SGMS1: variants seen among roughly 807,000 people sequenced by gnomAD.
SGMS1 encodes the protein sphingomyelin synthase 1.
SGMS1 carries 13 observed loss-of-function variants against 46.2 expected under a neutral mutation model. The ratio of observed to expected loss-of-function variants is 0.28; its 90% CI spans 0.18 to 0.45. SGMS1 has a LOEUF of 0.45. SGMS1 is among the 20% of genes least tolerant of loss of function. SGMS1 has a pLI of 1.00. For synonymous variants in SGMS1, 203 were observed against 187.8 expected (o/e 1.08, Z -0.66); for missense variants, 324 against 519.9 (o/e 0.62, Z 3.66).
intron 5 of SGMS1, among the ~76,000 whole-genome samples, chr10:50,458,339 CTTTTTTTTT>C (rs750349777): frequency 3.9e-3 from 381 of 97,126 alleles, no homozygotes; most frequent in African/African-American, 0.013. Flanking sequence ...TTCTTTTTCT[CTTTTTTTTT>C]TTTTTTTTTT....
At chr10:50,491,271 C>G (rs150236426) in intron 3 of SGMS1, among the ~76,000 whole-genome samples, 1 of 152,142 alleles carries the variant, frequency 6.6e-6, no homozygotes, top group Non-Finnish European at 1.5e-5. Flanking sequence ...GGAGGATCCT[C>G]GAGCCCCACA....
rs185153123 is a variant in SGMS1, at chr10:50,617,283, T to A, written c.-684+6424A>T. Among the ~76,000 whole-genome samples the A allele has an allele frequency of 2.3e-3, 350 of 152,318 alleles. 1 individual carries two copies. Among genetic ancestry groups the A allele is most frequent in the Non-Finnish European group, 3.8e-3 (256 of 68,022 alleles). ...TTTTATCATAATTTAAAAAGATTTTTAAAAATCAGTATGTTGAATGAAAGG... is the reference window on the plus strand; with the variant it reads ...TTTTATCATAATTTAAAAAGATTTTAAAAAATCAGTATGTTGAATGAAAGG... On this transcript the variant is annotated intron_variant, in intron 1 of 10. Transcript: ENST00000361781.
chr10:50,459,119 T>C (rs74132722), intron 5 of SGMS1, among the ~76,000 whole-genome samples: 3,300 of 152,226 alleles, frequency 0.022, 132 homozygotes, highest in African/African-American at 0.076. Flanking sequence ...AGGACCATAT[T>C]AGAAATATAA....
chr10:50,348,345 G>T (rs1041974516), intron 6 of SGMS1, among the ~76,000 whole-genome samples: 1 of 152,144 alleles, frequency 6.6e-6, no homozygotes, highest in African/African-American at 2.4e-5. Flanking sequence ...GAAATAAAGC[G>T]CATTCAAATA....
intron 6 of SGMS1, among the ~76,000 whole-genome samples, chr10:50,368,229 AC>A (rs1333681176): frequency 2.6e-5 from 4 of 152,246 alleles, no homozygotes; most frequent in African/African-American, 9.6e-5. Context: ...GTCATACAAG[AC>A]CATATCTAGG....
At chr10:50,393,496 T>C (rs1046176014) in intron 6 of SGMS1, among the ~76,000 whole-genome samples, 3 of 152,114 alleles carry the variant, frequency 2.0e-5, no homozygotes, top group African/African-American at 7.2e-5. Context: ...TCTCAACCTC[T>C]CCTTATTTCC....
At chr10:50,312,332 G>C (rs1219777557) in intron 8 of SGMS1, among the ~76,000 whole-genome samples, 1 of 91,110 alleles carries the variant, frequency 1.1e-5, no homozygotes. Context: ...TGAAGTGTGA[G>C]AAATTAAAAA....
intron 3 of SGMS1, among the ~76,000 whole-genome samples, chr10:50,493,169 T>C (rs1342518600): frequency 6.6e-6 from 1 of 152,178 alleles, no homozygotes; most frequent in Non-Finnish European, 1.5e-5. Context: ...ACTGCATACC[T>C]ACAGCTATCT....
intron 2 of SGMS1, among the ~76,000 whole-genome samples, chr10:50,523,019 C>G (rs987653992): frequency 6.6e-6 from 1 of 152,144 alleles, no homozygotes; most frequent in Non-Finnish European, 1.5e-5. Flanking sequence ...GGGTTCACCT[C>G]CCTATATCAC....
chr10:50,325,240 T>C (rs752379422), intron 8 of SGMS1, among the ~76,000 whole-genome samples: 38 of 152,234 alleles, frequency 2.5e-4, no homozygotes, highest in Non-Finnish European at 5.1e-4. Flanking sequence ...GGGAGTTCCT[T>C]ATAGCAGTTG....
intron 3 of SGMS1, among the ~76,000 whole-genome samples, chr10:50,478,283 C>A (rs1837446227): frequency 6.6e-6 from 1 of 152,170 alleles, no homozygotes; most frequent in Non-Finnish European, 1.5e-5. Context: ...AAAGGGATCC[C>A]ATCTACTAAG....
intron 9 of SGMS1, among the ~76,000 whole-genome samples, chr10:50,308,484 C>G (rs73328995): frequency 6.6e-6 from 1 of 151,816 alleles, no homozygotes; most frequent in Non-Finnish European, 1.5e-5. Context: ...TTAAATTTAC[C>G]TCTAGCTAAT....
intron 2 of SGMS1, among the ~76,000 whole-genome samples, chr10:50,542,997 C>G (rs184895949): frequency 1.4e-4 from 22 of 152,194 alleles, no homozygotes; most frequent in Non-Finnish European, 2.6e-4. Context: ...CACACAGTGT[C>G]TATATGATAG....
At chr10:50,440,095 C>A (rs998879756) in intron 5 of SGMS1, among the ~76,000 whole-genome samples, 11 of 151,986 alleles carry the variant, frequency 7.2e-5, no homozygotes, top group African/African-American at 2.7e-4. Context: ...GAATGCAGAC[C>A]ACAGCTCTCT....
At chr10:50,325,418 T>C (rs1322659639) in intron 8 of SGMS1, among the ~76,000 whole-genome samples, 1 of 152,132 alleles carries the variant, frequency 6.6e-6, no homozygotes, top group Non-Finnish European at 1.5e-5. Context: ...AAGATTCTAG[T>C]TTCCAGAAGA....
chr10:50,545,395 C>T (rs189571970), intron 2 of SGMS1, among the ~76,000 whole-genome samples: 9 of 152,240 alleles, frequency 5.9e-5, no homozygotes, highest in Admixed American at 5.9e-4. Flanking sequence ...AACAACAGTA[C>T]AGGTCTGAAA....
intron 2 of SGMS1, among the ~76,000 whole-genome samples, chr10:50,582,251 C>T (rs1433082034): frequency 6.6e-6 from 1 of 152,130 alleles, no homozygotes; most frequent in Non-Finnish European, 1.5e-5. Flanking sequence ...CACTATTGTC[C>T]TCAGAGAACA....
chr10:50,331,978 A>T (rs1847630616), intron 7 of SGMS1, among the ~76,000 whole-genome samples: 1 of 152,202 alleles, frequency 6.6e-6, no homozygotes, highest in South Asian at 2.1e-4. Flanking sequence ...TTGTTATTGC[A>T]GCCTGAACAG....
intron 3 of SGMS1, among the ~76,000 whole-genome samples, chr10:50,505,684 C>T (rs1837700581): frequency 6.6e-6 from 1 of 152,130 alleles, no homozygotes; most frequent in Non-Finnish European, 1.5e-5. Context: ...AGACCTCTGC[C>T]CTCAAGGAGT....
Sources: gnomAD v4.1 joint callset for allele counts (sites outside exome capture counted in the v4.1 genomes callset) on GRCh38, gnomAD v4.1.1 for gene constraint, MANE v1.5 for transcripts, NCBI Gene and HGNC (gene_info 2026-07-23, HGNC 2026-07-21) for gene names.